Variants in VPS53 observed in about 807,000 individuals in gnomAD.
The protein encoded by VPS53 is VPS53 subunit of GARP complex.
Under a neutral mutation model 107.0 loss-of-function variants are expected in VPS53, and 70 were observed. The observed-to-expected ratio is 0.65, with a 90% CI of 0.54 to 0.80. VPS53 has a LOEUF of 0.80. Ranked by LOEUF, VPS53 falls within the 30% of genes least tolerant of loss-of-function variation. VPS53 has a pLI of 0.00. For missense variants in VPS53, 917 were observed against 1,049.4 expected, an observed-to-expected ratio of 0.87 and a Z score of 1.74; for synonymous variants, 409 against 393.3, an observed-to-expected ratio of 1.04 and a Z score of -0.47.
At chr17:627,722 CTG>C (rs1156989835) in intron 9 of VPS53, among the ~76,000 whole-genome samples, 3 of 152,044 alleles carry the variant, frequency 2.0e-5, no homozygotes, top group African/African-American at 7.3e-5. Flanking sequence ...TTGCAGTAAA[CTG>C]AGATCGCACC....
chr17:702,682 G>A (rs1193632739), intron 2 of VPS53, among the ~76,000 whole-genome samples: 1 of 148,120 alleles, frequency 6.8e-6, no homozygotes, highest in East Asian at 2.0e-4. Context: ...TAAATAAATA[G>A]AAGAGAAAGA....
rs1217937541 is a variant in VPS53, at chr17:521,647, G to A, written c.2177C>T (p.Thr726Ile). ...QVVRKAPASYTKIVVKGMTRA... is the reference protein window; with the variant it reads ...QVVRKAPASYIKIVVKGMTRA... ...GGTCATGCCTTTGACAACGATCTTG[G>A]TGTAGCTGGCGGGTGCCTTCCTCAC... The change falls in exon 20 of 22, where the codon ACC becomes ATC. Residue 726 changes from threonine to isoleucine, a missense_variant. Thr to Ile is a moderately conservative substitution (Grantham distance 89, BLOSUM62 -1). Transcript: ENST00000437048. The A allele has an allele frequency of 1.9e-6, 3 of 1,551,388 alleles. No individual in the cohort carries two copies. In the East Asian group the frequency reaches 7.3e-5, roughly 38 times the overall value.
chr17:682,974 AAG>A (rs1972455930), intron 4 of VPS53, among the ~76,000 whole-genome samples: 3 of 152,198 alleles, frequency 2.0e-5, no homozygotes, highest in Admixed American at 1.3e-4. Context: ...AGGAAATTAT[AAG>A]AGTCAAATGG....
At chr17:559,971 G>A (rs1340478102) in intron 15 of VPS53, among the ~76,000 whole-genome samples, 1 of 152,228 alleles carries the variant, frequency 6.6e-6, no homozygotes, top group Non-Finnish European at 1.5e-5. Context: ...TGTTGAGGCA[G>A]ATTGAAAATG....
At chr17:584,256 T>C (rs947591992) in intron 13 of VPS53, among the ~76,000 whole-genome samples, 16 of 152,180 alleles carry the variant, frequency 1.1e-4, no homozygotes, top group Non-Finnish European at 2.4e-4. Flanking sequence ...TACAATCATC[T>C]TGACCTTTCC....
At chr17:667,283 G>C (rs570069027) in intron 4 of VPS53, among the ~76,000 whole-genome samples, 1 of 149,538 alleles carries the variant, frequency 6.7e-6, no homozygotes, top group Admixed American at 6.8e-5. Context: ...TTAACAGAAA[G>C]CTTGCTGACC....
intron 12 of VPS53, among the ~76,000 whole-genome samples, chr17:598,649 C>T (rs529574468): frequency 2.8e-5 from 4 of 144,524 alleles, no homozygotes; most frequent in Non-Finnish European, 4.6e-5. Context: ...TCTGCCCGGC[C>T]GCGACCCGGT....
chr17:526,717 G>T (rs1458872235), intron 19 of VPS53, among the ~76,000 whole-genome samples: 1 of 152,202 alleles, frequency 6.6e-6, no homozygotes, highest in Non-Finnish European at 1.5e-5. Flanking sequence ...GTTGTTGATG[G>T]GATGTGGGGG....
rs139348160 is a variant in VPS53 at position 537,041 on chromosome 17, C to T, written c.2002G>A (p.Val668Ile). 6 of 1,614,154 alleles carry T rather than the reference C, an allele frequency of 3.7e-6. No homozygotes were observed. Among genetic ancestry groups the T allele is most frequent in the Non-Finnish European group, 4.2e-6 (5 of 1,180,020 alleles). The change falls in exon 18 of 22, where the codon GTT (valine) becomes ATT (isoleucine). Residue 668 changes from valine to isoleucine, a missense_variant. Coordinates refer to ENST00000437048, the MANE Select transcript of VPS53 (RefSeq NM_001128159.3). ...STRKYFTQFC[V>I]KFANSFIPKF... The stretch of plus-strand genomic sequence containing the variant: ...CCCAGGACTTACTTTGCAAATTTAA[C>T]GCAGAACTGAGTGAAGTACTTGCGT...
rs371000088 is a variant in VPS53, at chr17:627,226, G to A, written c.922C>T (p.Arg308Cys). 65 of 1,613,982 alleles carry A rather than the reference G, an allele frequency of 4.0e-5. No individual in the cohort carries two copies. The highest frequency in any genetic ancestry group is 5.1e-5 in the Non-Finnish European group (60 of 1,180,036). Residue 308 changes from arginine (R) to cysteine (C), a missense_variant, in exon 10 of 22, where the codon CGT becomes TGT. Physicochemically the swap from Arg to Cys is radical, Grantham distance 180. Transcript: ENST00000437048. ...YEEKYGRMFP[R>C]EWCMAERIAV... ...ATCCTCTCAGCCATGCACCACTCAC[G>A]TGGAAACATGCGGCCGTATTTCTCC... is the stretch of plus-strand genomic sequence containing the variant.
chr17:584,789 G>C (rs978941635), intron 13 of VPS53, among the ~76,000 whole-genome samples: 1 of 152,178 alleles, frequency 6.6e-6, no homozygotes, highest in Non-Finnish European at 1.5e-5. Context: ...GCCTCCCAAA[G>C]TGCTGGGATT....
chr17:572,346 G>A (rs1914215389), intron 13 of VPS53, among the ~76,000 whole-genome samples: 1 of 150,868 alleles, frequency 6.6e-6, no homozygotes, highest in Non-Finnish European at 1.5e-5. Flanking sequence ...CCTCCGCCCG[G>A]CAGCCGCCCC....
intron 15 of VPS53, among the ~76,000 whole-genome samples, chr17:555,494 G>T (rs1912254891): frequency 6.6e-6 from 1 of 151,994 alleles, no homozygotes. Flanking sequence ...ACCACGCCCG[G>T]CCCTAATTTT....
chr17:588,742 A>T (rs968557738), intron 12 of VPS53, among the ~76,000 whole-genome samples: 4 of 152,188 alleles, frequency 2.6e-5, no homozygotes, highest in Non-Finnish European at 4.4e-5. Flanking sequence ...CCACAACCAC[A>T]CAAGCCTGGC....
Position 534,273 on chromosome 17 carries a change from A to ATGAT in VPS53, c.2016-1363_2016-1362insATCA, listed in dbSNP as rs945072866. 1.1e-4 allele frequency among the ~76,000 whole-genome samples: 16 copies of ATGAT among 152,230 alleles called. 2 individuals carry two copies. Among genetic ancestry groups the ATGAT allele is most frequent in the Admixed American group, 9.8e-4 (15 of 15,280 alleles). On this transcript the variant is annotated intron_variant, in intron 18 of 21. Transcript: ENST00000437048. ...CTCCTTGATTGAAGGGAGGAGGATCAGCTCAGTGGATGAGGGAAGTTGCTT... is the reference window on the plus strand; with the variant it reads ...CTCCTTGATTGAAGGGAGGAGGATCATGATGCTCAGTGGATGAGGGAAGTTGCTT...
intron 11 of VPS53, among the ~76,000 whole-genome samples, chr17:610,274 G>A (rs951000785): frequency 2.6e-5 from 4 of 152,080 alleles, no homozygotes; most frequent in African/African-American, 9.7e-5. Flanking sequence ...GAATCACTGA[G>A]TATCTATAGA....
At chr17:531,266 C>T (rs1302252677) in intron 19 of VPS53, among the ~76,000 whole-genome samples, 3 of 151,858 alleles carry the variant, frequency 2.0e-5, no homozygotes, top group Non-Finnish European at 4.4e-5. Context: ...CCATTCTGGG[C>T]CTGTCAAGAT....
chr17:712,156 C>T (rs940273438), intron 1 of VPS53, among the ~76,000 whole-genome samples: 2 of 142,274 alleles, frequency 1.4e-5, no homozygotes, highest in African/African-American at 5.2e-5. Flanking sequence ...GAGTGATTTT[C>T]ATGTCTAGAG....
At chr17:547,644 T>G (rs1911336738) in intron 17 of VPS53, among the ~76,000 whole-genome samples, 1 of 152,124 alleles carries the variant, frequency 6.6e-6, no homozygotes, top group African/African-American at 2.4e-5. Context: ...TACACTTTAT[T>G]TATTTATTTA....
Sources: gnomAD v4.1 joint callset for allele counts (sites outside exome capture counted in the v4.1 genomes callset) on GRCh38, gnomAD v4.1.1 for gene constraint, MANE v1.5 for transcripts, NCBI Gene and HGNC (gene_info 2026-07-23, HGNC 2026-07-21) for gene names.